The following HS6ST3 variants were observed in gnomAD, a reference collection of about 807,000 sequenced individuals.
The protein encoded by HS6ST3 is heparan-sulfate 6-O-sulfotransferase 3.
A neutral mutation model predicts 36.7 loss-of-function variants in HS6ST3; 12 were observed. The observed-to-expected ratio is 0.33, with a 90% CI of 0.21 to 0.53. The LOEUF (loss-of-function observed/expected upper bound fraction) is 0.53. HS6ST3 is among the 20% of genes least tolerant of loss of function. The pLI, the probability that HS6ST3 is intolerant of heterozygous loss-of-function variation, is 0.95. For missense variants in HS6ST3, 584 were observed against 640.9 expected (o/e 0.91, Z 0.96); for synonymous variants, 240 against 257.5 (o/e 0.93, Z 0.65).
chr13:96,355,940 A>G (rs2055208123), intron 1 of HS6ST3, among the ~76,000 whole-genome samples: 2 of 152,196 alleles, frequency 1.3e-5, no homozygotes. Context: ...TTGTCATTAC[A>G]ACAATGTTCA....
chr13:96,338,644 C>T lies in HS6ST3; in HGVS notation c.707+247075C>T, dbSNP rs2055114248. 3.3e-5 allele frequency among the ~76,000 whole-genome samples: 5 copies of T among 152,252 alleles called. 1 individual carries two copies. The highest frequency in any genetic ancestry group is 2.0e-4 in the Admixed American group (3 of 15,292). On this transcript the variant is annotated intron_variant, in intron 1 of 1. Coordinates refer to ENST00000376705, the MANE Select transcript of HS6ST3 (RefSeq NM_153456.4). ...CTCGAATTCCTGGGGTTTTGGGTTA[C>T]GGAATCTCTAGCTTCAGGACTTCCT...
intron 1 of HS6ST3, among the ~76,000 whole-genome samples, chr13:96,801,512 ATGTG>A (rs749168394): frequency 6.6e-6 from 1 of 151,720 alleles, no homozygotes; most frequent in South Asian, 2.1e-4. Flanking sequence ...GCCTTTATAT[ATGTG>A]TGTGTGTGTT....
At chr13:96,794,304 G>A (rs551995236) in intron 1 of HS6ST3, among the ~76,000 whole-genome samples, 1 of 152,102 alleles carries the variant, frequency 6.6e-6, no homozygotes, top group South Asian at 2.1e-4. Flanking sequence ...TAACTTATAA[G>A]TATATGCAAA....
chr13:96,346,815 A>T (rs532663425), intron 1 of HS6ST3, among the ~76,000 whole-genome samples: 2 of 152,158 alleles, frequency 1.3e-5, no homozygotes, highest in East Asian at 3.9e-4. Flanking sequence ...CCCTTGAGTA[A>T]CTTTCTTCTA....
intron 1 of HS6ST3, among the ~76,000 whole-genome samples, chr13:96,696,401 A>G (rs564090218): frequency 3.3e-5 from 5 of 152,354 alleles, no homozygotes; most frequent in African/African-American, 1.2e-4. Context: ...TATTGATTGA[A>G]TAACTGGGAA....
chr13:96,176,624 G>A (rs2054213750), intron 1 of HS6ST3, among the ~76,000 whole-genome samples: 2 of 152,140 alleles, frequency 1.3e-5, no homozygotes, highest in African/African-American at 4.8e-5. Context: ...ATAGTGGAAT[G>A]TATTGTGACA....
At chr13:96,093,565 C>T (rs1594673532) in intron 1 of HS6ST3, among the ~76,000 whole-genome samples, 2 of 151,866 alleles carry the variant, frequency 1.3e-5, no homozygotes, top group African/African-American at 2.4e-5. Flanking sequence ...TTCTGGTTTC[C>T]TTTCTTTCTA....
At chr13:96,106,538 C>G (rs1279195058) in intron 1 of HS6ST3, among the ~76,000 whole-genome samples, 1 of 152,122 alleles carries the variant, frequency 6.6e-6, no homozygotes, top group African/African-American at 2.4e-5. Flanking sequence ...GACCCTGAGC[C>G]AGATATGAAC....
chr13:96,215,819 T>C (rs2054423167), intron 1 of HS6ST3, among the ~76,000 whole-genome samples: 1 of 152,192 alleles, frequency 6.6e-6, no homozygotes, highest in South Asian at 2.1e-4. Flanking sequence ...AGTTGGACAA[T>C]TTACTTAGCC....
At chr13:96,450,047 C>G (rs1224705634) in intron 1 of HS6ST3, among the ~76,000 whole-genome samples, 1 of 152,108 alleles carries the variant, frequency 6.6e-6, no homozygotes, top group Non-Finnish European at 1.5e-5. Flanking sequence ...TTATTTTGGC[C>G]CTTTCCCCAT....
At chr13:96,354,150 A>G (rs2055198168) in intron 1 of HS6ST3, among the ~76,000 whole-genome samples, 1 of 152,248 alleles carries the variant, frequency 6.6e-6, no homozygotes, top group African/African-American at 2.4e-5. Context: ...TAAGTAACTT[A>G]TGGTATAACT....
chr13:96,550,970 T>A lies in HS6ST3; in HGVS notation c.708-281520T>A, dbSNP rs532049624. ...ATAGTTTCAGTAATTATAAAATTAT[T>A]AACATCAACTTTCAGTTATCTTTAG... On this transcript the variant is annotated intron_variant, in intron 1 of 1. Transcript: ENST00000376705. 6.6e-5 allele frequency among the ~76,000 whole-genome samples: 10 copies of A among 152,286 alleles called. No individual in the cohort carries two copies. The South Asian group carries it at 2.1e-3, about 32-fold the overall frequency.
At chr13:96,808,723 G>A (rs1878253223) in intron 1 of HS6ST3, among the ~76,000 whole-genome samples, 1 of 152,184 alleles carries the variant, frequency 6.6e-6, no homozygotes, top group African/African-American at 2.4e-5. Flanking sequence ...TCTTTGGAAA[G>A]CATAATTTCA....
chr13:96,440,481 G>A (rs1460656058), intron 1 of HS6ST3, among the ~76,000 whole-genome samples: 1 of 139,096 alleles, frequency 7.2e-6, no homozygotes, highest in Non-Finnish European at 1.5e-5. Flanking sequence ...GGAGGGGAGG[G>A]GAGGGGAGAG....
rs144478753 is a variant in HS6ST3, at chr13:96,324,044, A to C, written c.707+232475A>C. Among the ~76,000 whole-genome samples, 194 of 152,208 alleles carry C rather than the reference A, an allele frequency of 1.3e-3. 1 individual carries two copies. The highest frequency in any genetic ancestry group is 4.4e-3 in the African/African-American group (181 of 41,528). On this transcript the variant is annotated intron_variant, in intron 1 of 1. Transcript: ENST00000376705. ...CCTCCTATAAATGAATCACATTGAG[A>C]AGCTGGATGCTTTATTAGTCCCCTG...
At chr13:96,388,743 C>T (rs139868991) in intron 1 of HS6ST3, among the ~76,000 whole-genome samples, 79 of 152,210 alleles carry the variant, frequency 5.2e-4, no homozygotes, top group African/African-American at 1.8e-3. Context: ...TTCCCCTATG[C>T]TGTTGTCGTG....
intron 1 of HS6ST3, among the ~76,000 whole-genome samples, chr13:96,505,332 A>T (rs1024649346): frequency 2.0e-5 from 3 of 152,196 alleles, no homozygotes; most frequent in Non-Finnish European, 4.4e-5. Flanking sequence ...GCCCCATCAT[A>T]GAATGTTCTC....
chr13:96,787,387 C>A (rs1877676614), intron 1 of HS6ST3, among the ~76,000 whole-genome samples: 1 of 152,062 alleles, frequency 6.6e-6, no homozygotes, highest in African/African-American at 2.4e-5. Context: ...GTTTCCCATC[C>A]TTCCCAGCAT....
intron 1 of HS6ST3, among the ~76,000 whole-genome samples, chr13:96,686,967 G>A (rs1337346775): frequency 6.6e-6 from 1 of 151,908 alleles, no homozygotes; most frequent in Admixed American, 6.6e-5. Flanking sequence ...AATACTTAGT[G>A]GAGATAAAAG....
Sources: gnomAD v4.1 joint callset for allele counts (sites outside exome capture counted in the v4.1 genomes callset) on GRCh38, gnomAD v4.1.1 for gene constraint, MANE v1.5 for transcripts, NCBI Gene and HGNC (gene_info 2026-07-23, HGNC 2026-07-21) for gene names.